MTA1: variants seen among roughly 807,000 people sequenced by gnomAD.
MTA1 encodes metastasis associated 1, also known as metastasis-associated protein MTA1.
MTA1 carries 15 observed loss-of-function variants against 97.0 expected under a neutral mutation model. The ratio of observed to expected loss-of-function variants is 0.15; its 90% CI spans 0.10 to 0.24. The LOEUF is 0.24. MTA1 is among the 10% of genes least tolerant of loss of function. The probability of loss-of-function intolerance (pLI) is 1.00; values close to 1 mark genes in which losing one functional copy is unlikely to be tolerated. For synonymous variants in MTA1, 435 were observed against 417.5 expected, an observed-to-expected ratio of 1.04 and a Z score of -0.51; for missense variants, 709 against 1,015.1, an observed-to-expected ratio of 0.70 and a Z score of 4.10.
rs2081866558 is a variant in MTA1, at chr14:105,422,286, G to A, written c.28+2223G>A. On this transcript the variant is annotated intron_variant, in intron 1 of 20. Coordinates refer to ENST00000331320, the MANE Select transcript of MTA1 (RefSeq NM_004689.4). This position sits in a 1 kb window ranked among gnomAD's most constrained non-coding sequence, Gnocchi z 4.3. ...CGGCAGAGCCCTGTGGTCGCAGTGGGCTGGGCATTGCAGGTTGGCTTCCTG... is the reference window on the plus strand; with the variant it reads ...CGGCAGAGCCCTGTGGTCGCAGTGGACTGGGCATTGCAGGTTGGCTTCCTG... 6.6e-6 allele frequency among the ~76,000 whole-genome samples: 1 copy of A among 152,158 alleles called. No individual in the cohort carries two copies. Among genetic ancestry groups the A allele is most frequent in the Non-Finnish European group, 1.5e-5 (1 of 68,020 alleles).
intron 10 of MTA1, among the ~76,000 whole-genome samples, chr14:105,462,093 C>T (rs1364219941): frequency 2.0e-5 from 3 of 152,270 alleles, no homozygotes; most frequent in South Asian, 2.1e-4. Flanking sequence ...ACTGCGGCTG[C>T]GGGGCCATGC....
chr14:105,458,450 G>A (rs2083236807), intron 8 of MTA1, 78 bp downstream of exon 8: 6 of 1,252,600 alleles, frequency 4.8e-6, no homozygotes, highest in Non-Finnish European at 6.9e-6. Context: ...GTGGGTGTTG[G>A]GGACGTGACA....
intron 8 of MTA1, among the ~76,000 whole-genome samples, chr14:105,459,077 G>A (rs113283013): frequency 2.2e-5 from 3 of 135,012 alleles, no homozygotes; most frequent in Admixed American, 7.4e-5. Context: ...GGGGGAGTCC[G>A]TGCTGCCCAT....
intron 18 of MTA1, chr14:105,468,227 GC>G: frequency 8.8e-7 from 1 of 1,142,534 alleles, no homozygotes; most frequent in South Asian, 1.3e-5. Flanking sequence ...CCGGCCATTT[GC>G]CCGTGCAGCC....
At chr14:105,450,008 C>A in intron 4 of MTA1, 50 bp from the exon 5 acceptor site, 2 of 1,611,396 alleles carry the variant, frequency 1.2e-6, no homozygotes, top group South Asian at 2.2e-5. Flanking sequence ...GGGCCTTGGT[C>A]TGGCAGTGTG....
chr14:105,442,214 C>G (rs945366305), intron 2 of MTA1, among the ~76,000 whole-genome samples: 3 of 152,212 alleles, frequency 2.0e-5, no homozygotes, highest in Non-Finnish European at 4.4e-5. Flanking sequence ...GGAGTCAAAA[C>G]CCACTTTGCC....
In MTA1 at chr14:105,470,220, C is replaced by T. The variant is rs781889460; in HGVS notation, c.*5C>T. 5.8e-5 allele frequency: 90 copies of T among 1,560,568 alleles called. No individual in the cohort carries two copies. The highest frequency in any genetic ancestry group is 1.2e-4 in the African/African-American group (9 of 73,076). ...CCCATCGTCATCGAGGACTAGGGGCCGCCCCCACCTGCGGCCGCCCCCCGC... is the reference window on the plus strand; with the variant it reads ...CCCATCGTCATCGAGGACTAGGGGCTGCCCCCACCTGCGGCCGCCCCCCGC... On this transcript the variant is annotated 3_prime_UTR_variant, in exon 21 of 21. Transcript: ENST00000331320.
Position 105,470,360 on chromosome 14 carries a change from G to C in MTA1, c.*145G>C. On this transcript the variant is annotated 3_prime_UTR_variant, in exon 21 of 21. Transcript: ENST00000331320. ...GAAACGCGCTCCTTGGCGGACACTGGGGGAGGAGAGGAAGAAGCGCGGCTA... is the reference window on the plus strand; with the variant it reads ...GAAACGCGCTCCTTGGCGGACACTGCGGGAGGAGAGGAAGAAGCGCGGCTA... 1.6e-6 allele frequency: 1 copy of C among 632,704 alleles called. No homozygotes were observed. Among genetic ancestry groups the C allele is most frequent in the African/African-American group, 2.0e-5 (1 of 50,510 alleles). 39.2% of individuals were successfully genotyped at this position (632,704 alleles called of 1,614,324 possible).
Position 105,420,077 on chromosome 14 carries a change from G to A in MTA1, c.28+14G>A. ...ACAGGGTCGGAGGTAAGGCCGCACC[G>A]CCTTTATGCCCGGCCCCGACCCGCC... is the stretch of plus-strand genomic sequence containing the variant. On this transcript the variant is annotated intron_variant, in intron 1 of 20. Coordinates refer to ENST00000331320, the MANE Select transcript of MTA1 (RefSeq NM_004689.4). This position sits in a 1 kb window ranked among gnomAD's most constrained non-coding sequence, Gnocchi z 5.3. 2 of 1,067,478 alleles carry A rather than the reference G, an allele frequency of 1.9e-6. No individual in the cohort carries two copies. Among genetic ancestry groups the A allele is most frequent in the Non-Finnish European group, 2.3e-6 (2 of 876,850 alleles). 66.1% of individuals were successfully genotyped at this position (1,067,478 alleles called of 1,614,324 possible).
Position 105,458,386 on chromosome 14 carries a change from C to G in MTA1, c.653+14C>G. On this transcript the variant is annotated intron_variant, in intron 8 of 20. Coordinates refer to ENST00000331320, the MANE Select transcript of MTA1 (RefSeq NM_004689.4). ...GGTGGTGGCCCGGTGAGTCCTGCTC[C>G]TGGGCAAGGCCAGCAGGGGTGGTGC... 21 of 1,610,292 alleles carry G rather than the reference C, an allele frequency of 1.3e-5. No homozygotes were observed. The highest frequency in any genetic ancestry group is 1.8e-5 in the Non-Finnish European group (21 of 1,178,036).
chr14:105,464,814 T>C lies in MTA1; in HGVS notation c.1485T>C (p.Ala495=), dbSNP rs1555432165. The change falls in exon 15 of 21, where the codon GCT becomes GCC. Residue 495 remains alanine, a synonymous_variant. Transcript: ENST00000331320. ...LCREILRPWH[A]ARHPYLPINS... ...GTGAGATCCTGCGCCCGTGGCACGC[T>C]GCGCGGCACCCCTACCTGCCCATCA... is the stretch of plus-strand genomic sequence containing the variant. The C allele has an allele frequency of 1.2e-6, 2 of 1,600,846 alleles. No homozygotes were observed. Among genetic ancestry groups the C allele is most frequent in the East Asian group, 2.2e-5 (1 of 44,566 alleles).
At chr14:105,452,066 A>T (rs2082965556) in intron 6 of MTA1, among the ~76,000 whole-genome samples, 1 of 152,166 alleles carries the variant, frequency 6.6e-6, no homozygotes, top group Admixed American at 6.5e-5. Context: ...TGTTGGGATT[A>T]CAGGCATGAG....
chr14:105,432,355 C>G (rs2082201210), intron 1 of MTA1, among the ~76,000 whole-genome samples: 1 of 152,158 alleles, frequency 6.6e-6, no homozygotes, highest in African/African-American at 2.4e-5. Context: ...ATTATCCTGC[C>G]TCAGCCTCCC....
chr14:105,470,306 G>A lies in MTA1; in HGVS notation c.*91G>A. 1 of 1,141,876 alleles carries A rather than the reference G, an allele frequency of 8.8e-7. No homozygotes were observed. Among genetic ancestry groups the A allele is most frequent in the East Asian group, 3.3e-5 (1 of 30,092 alleles). The allele number at this position is 1,141,876 out of a possible 1,614,324, so 70.7% of individuals were successfully genotyped here. On this transcript the variant is annotated 3_prime_UTR_variant, in exon 21 of 21. Transcript: ENST00000331320. ...CCGCCGCCCGCCCCTCAGTTTGGTAGTGCCCCACCTCCCGCCCTCACCTGC... is the reference window on the plus strand; with the variant it reads ...CCGCCGCCCGCCCCTCAGTTTGGTAATGCCCCACCTCCCGCCCTCACCTGC...
At chr14:105,465,384 TG>T in intron 16 of MTA1, 1 of 411,896 alleles carries the variant, frequency 2.4e-6, no homozygotes, top group Non-Finnish European at 4.2e-6. Flanking sequence ...TCCCTGCTCC[TG>T]GGGTCGTGAT....
At position 105,420,591 on chromosome 14, in the gene MTA1, T is replaced by C. The variant is rs1183096824; in HGVS notation, c.28+528T>C. On this transcript the variant is annotated intron_variant, in intron 1 of 20. Transcript: ENST00000331320. This position sits in a 1 kb window ranked among gnomAD's most constrained non-coding sequence, Gnocchi z 5.3. ...CGGGGCTTCCCCCAGCAGGGATCCC[T>C]CAGGGGGTCTTCAGCAGGGAGCGAG... Among the ~76,000 whole-genome samples the C allele has an allele frequency of 1.3e-5, 2 of 152,150 alleles. No individual in the cohort carries two copies. Among genetic ancestry groups the C allele is most frequent in the Admixed American group, 6.5e-5 (1 of 15,288 alleles).
rs2141396967 is a variant in MTA1, at chr14:105,424,618, C to T, written c.28+4555C>T. On this transcript the variant is annotated intron_variant, in intron 1 of 20. Coordinates refer to ENST00000331320, the MANE Select transcript of MTA1 (RefSeq NM_004689.4). This position sits in a 1 kb window ranked among gnomAD's most constrained non-coding sequence, Gnocchi z 4.0. ...TCTAGTGATTTGCCTGCCTCAGCCC[C>T]CTGAGTAGCTGGGATTACAGGTGTG... Among the ~76,000 whole-genome samples the T allele has an allele frequency of 6.6e-6, 1 of 152,208 alleles. No homozygotes were observed. Among genetic ancestry groups the T allele is most frequent in the South Asian group, 2.1e-4 (1 of 4,822 alleles).
chr14:105,445,824 A>G (rs2082700547), intron 3 of MTA1: 2 of 440,598 alleles, frequency 4.5e-6, no homozygotes, highest in East Asian at 5.1e-5. Flanking sequence ...TTTCCCTTCT[A>G]TGATGACTTC....
intron 3 of MTA1, among the ~76,000 whole-genome samples, chr14:105,446,236 T>G (rs1360360805): frequency 6.6e-6 from 1 of 152,036 alleles, no homozygotes; most frequent in Non-Finnish European, 1.5e-5. Context: ...CACAGTGTGG[T>G]ACCCCACTGA....
Sources: allele counts gnomAD v4.1 joint callset (sites outside exome capture counted in the v4.1 genomes callset), GRCh38; gene constraint gnomAD v4.1.1; non-coding constraint Gnocchi (gnomAD v3.1); transcripts MANE v1.5; gene names NCBI Gene and HGNC (gene_info 2026-07-23, HGNC 2026-07-21).